CCDC73: variants seen among roughly 807,000 people sequenced by gnomAD.
CCDC73 encodes coiled-coil domain-containing protein 73.
CCDC73 carries 95 observed loss-of-function variants against 116.5 expected under a neutral mutation model. That is an observed-to-expected ratio of 0.82 (90% confidence interval 0.69 to 0.97). The LOEUF (loss-of-function observed/expected upper bound fraction) is 0.97. Ranked by LOEUF, CCDC73 falls within the 50% of genes least tolerant of loss-of-function variation. CCDC73 has a pLI of 0.00. For synonymous variants in CCDC73, 398 were observed against 401.3 expected (o/e 0.99, Z 0.10); for missense variants, 1,066 against 1,206.8 (o/e 0.88, Z 1.73).
chr11:32,830,204 G>T, the CCDC73 span: 33 of 1,075,470 alleles, frequency 3.1e-5, no homozygotes, highest in Non-Finnish European at 3.5e-5. Context: ...ACCTCGGCGG[G>T]GAGGGGGTTA....
intron 2 of CCDC73, among the ~76,000 whole-genome samples, chr11:32,755,777 A>ATATATATATATCTCCATATATATGTG (rs1565094284): frequency 2.6e-5 from 3 of 116,484 alleles, no homozygotes; most frequent in African/African-American, 1.1e-4. Flanking sequence ...ATATATGTGT[A>ATATATATATATCTCCATATATATGTG]TATATATATA....
chr11:32,678,374 AG>A (rs1428647141), intron 7 of CCDC73, among the ~76,000 whole-genome samples: 41 of 152,338 alleles, frequency 2.7e-4, no homozygotes, highest in Admixed American at 1.1e-3. Flanking sequence ...TCTGCAACTT[AG>A]GGTGACCTTG....
intron 2 of CCDC73, among the ~76,000 whole-genome samples, chr11:32,749,062 G>C (rs1045718670): frequency 6.6e-6 from 1 of 152,014 alleles, no homozygotes; most frequent in African/African-American, 2.4e-5. Context: ...TAACCTTCTT[G>C]TATTTGAATA....
intron 3 of CCDC73, among the ~76,000 whole-genome samples, chr11:32,710,721 T>C (rs947743056): frequency 6.6e-6 from 1 of 152,204 alleles, no homozygotes; most frequent in Admixed American, 6.5e-5. Context: ...GGGTACAGTT[T>C]AAGTCCATTG....
intron 14 of CCDC73, among the ~76,000 whole-genome samples, chr11:32,624,270 G>T (rs1855548630): frequency 6.6e-6 from 1 of 152,068 alleles, no homozygotes. Context: ...AACCCAGGAG[G>T]CGGAGGTTGC....
the CCDC73 span, among the ~76,000 whole-genome samples, chr11:32,800,628 A>G: frequency 6.6e-6 from 1 of 152,280 alleles, no homozygotes; most frequent in South Asian, 2.1e-4. Context: ...CCCTTTACTT[A>G]TGTTAATGAT....
intron 14 of CCDC73, among the ~76,000 whole-genome samples, chr11:32,622,832 TA>T (rs1178881014): frequency 4.6e-5 from 7 of 150,554 alleles, no homozygotes; most frequent in African/African-American, 1.7e-4. Context: ...CTTACCACCA[TA>T]AAAAAAGTGG....
Position 32,642,099 on chromosome 11 carries a change from T to A in CCDC73, c.940-17A>T, listed in dbSNP as rs1439052471. On this transcript the variant is annotated splice_polypyrimidine_tract_variant and intron_variant, in intron 12 of 17. Transcript: ENST00000335185. ...TTCAAGGGTCTGCAATAAAATTAAT[T>A]ATCCAAAAAATAATCAATACCACAT... 1 of 1,513,174 alleles carries A rather than the reference T, an allele frequency of 6.6e-7. No homozygotes were observed. 93.7% of individuals were successfully genotyped at this position (1,513,174 alleles called of 1,614,324 possible).
At chr11:32,798,692 G>T (rs1242080342), upstream of CCDC73, among the ~76,000 whole-genome samples, 1 of 152,198 alleles carries the variant, frequency 6.6e-6, no homozygotes, top group Non-Finnish European at 1.5e-5. Flanking sequence ...AGTAAGCAAA[G>T]ATATTTTCAG....
chr11:32,823,139 C>T, the CCDC73 span, among the ~76,000 whole-genome samples: 1 of 151,860 alleles, frequency 6.6e-6, no homozygotes, highest in African/African-American at 2.4e-5. Context: ...GGATGAAAGA[C>T]AGATCAATAT....
the CCDC73 span, among the ~76,000 whole-genome samples, chr11:32,818,007 C>A: frequency 1.1e-4 from 16 of 152,346 alleles, no homozygotes; most frequent in East Asian, 2.7e-3. Flanking sequence ...CTAGAACTGG[C>A]ACTTACGGTG....
intron 1 of CCDC73, among the ~76,000 whole-genome samples, chr11:32,763,155 G>T (rs1850407572): frequency 1.3e-5 from 2 of 152,252 alleles, no homozygotes; most frequent in Non-Finnish European, 2.9e-5. Context: ...TGCCTCTGTA[G>T]ACTCCACCTC....
chr11:32,772,904 G>A (rs1850503263), intron 1 of CCDC73, among the ~76,000 whole-genome samples: 1 of 152,070 alleles, frequency 6.6e-6, no homozygotes, highest in Non-Finnish European at 1.5e-5. Context: ...TTCCTCAAAA[G>A]GTTAAACATA....
upstream of CCDC73, among the ~76,000 whole-genome samples, chr11:32,799,223 C>T (rs186299568): frequency 2.6e-5 from 4 of 151,982 alleles, no homozygotes; most frequent in East Asian, 7.7e-4. Context: ...TCCTGAGTAG[C>T]TGGGATTACA....
At chr11:32,654,077 T>C (rs1855850316) in intron 10 of CCDC73, 40 bp from the exon 11 acceptor site, 1 of 1,538,780 alleles carries the variant, frequency 6.5e-7, no homozygotes, top group Non-Finnish European at 8.8e-7. Flanking sequence ...GATATAAAAT[T>C]CAGCAAATTC....
chr11:32,804,096 C>T, the CCDC73 span, among the ~76,000 whole-genome samples: 1 of 151,984 alleles, frequency 6.6e-6, no homozygotes, highest in Admixed American at 6.6e-5. Context: ...AGGCTTGAGC[C>T]ACCACACCCA....
Position 32,639,162 on chromosome 11 carries a change from C to A in CCDC73, c.1050+2810G>T, listed in dbSNP as rs569476436. ...GACTCCATCTTCCCCGACACCCCCC[C>A]CAAAAAATCCTATTCCATCTTTTGA... is the stretch of plus-strand genomic sequence containing the variant. On this transcript the variant is annotated intron_variant, in intron 13 of 17. Transcript: ENST00000335185. 1.1e-4 allele frequency among the ~76,000 whole-genome samples: 16 copies of A among 151,618 alleles called. 1 individual carries two copies. Among genetic ancestry groups the A allele is most frequent in the South Asian group, 4.2e-4 (2 of 4,802 alleles).
intron 14 of CCDC73, among the ~76,000 whole-genome samples, chr11:32,633,077 C>T (rs1336100841): frequency 6.6e-6 from 1 of 152,088 alleles, no homozygotes; most frequent in African/African-American, 2.4e-5. Flanking sequence ...TTTCCTGAGA[C>T]GGAGTCTCAC....
At chr11:32,772,059 A>G (rs1340084827) in intron 1 of CCDC73, among the ~76,000 whole-genome samples, 2 of 152,246 alleles carry the variant, frequency 1.3e-5, no homozygotes, top group Non-Finnish European at 2.9e-5. Flanking sequence ...GTTGCAACAG[A>G]GCCTAGGCAA....
Sources: gnomAD v4.1 joint callset for allele counts (sites outside exome capture counted in the v4.1 genomes callset) on GRCh38, gnomAD v4.1.1 for gene constraint, MANE v1.5 for transcripts, NCBI Gene and HGNC (gene_info 2026-07-23, HGNC 2026-07-21) for gene names.